The following IL6R variants were observed in gnomAD, a reference collection of about 807,000 sequenced individuals.
The protein encoded by IL6R is interleukin 6 receptor.
Under a neutral mutation model 48.3 loss-of-function variants are expected in IL6R, and 38 were observed. The observed-to-expected ratio is 0.79, with a 90% CI of 0.61 to 1.03. IL6R has a LOEUF of 1.03. Ranked by LOEUF, IL6R falls within the 50% of genes least tolerant of loss-of-function variation. The pLI, the probability that IL6R is intolerant of heterozygous loss-of-function variation, is 0.00. For missense variants in IL6R, 534 were observed against 618.3 expected (o/e 0.86, Z 1.45); for synonymous variants, 264 against 256.2 (o/e 1.03, Z -0.29).
intron 1 of IL6R, chr1:154,414,279 T>C (rs1435846787): frequency 3.4e-6 from 2 of 586,212 alleles, no homozygotes; most frequent in Non-Finnish European, 5.8e-6. Flanking sequence ...TTTGAGAGAA[T>C]GTCAATCCAC....
At chr1:154,448,039 A>C in intron 6 of IL6R, 86 bp from the exon 7 acceptor site, 1 of 1,111,620 alleles carries the variant, frequency 9.0e-7, no homozygotes, top group Non-Finnish European at 1.4e-6. Flanking sequence ...CATTGAGATG[A>C]ACTTTTTTTT....
At position 154,418,504 on chromosome 1, in the gene IL6R, G is replaced by A. The variant is rs71628617; in HGVS notation, c.86-10692G>A. ...TACATATGTGGGGGAGGAGGGAGCA[G>A]GGGCCTGCCAGCCAAAGCTAGTCAT... On this transcript the variant is annotated intron_variant, in intron 1 of 9. Coordinates refer to ENST00000368485, the MANE Select transcript of IL6R (RefSeq NM_000565.4). The A allele has an allele frequency of 5.5e-6, 4 of 722,546 alleles. No homozygotes were observed. In the African/African-American group the frequency reaches 7.7e-5, roughly 14 times the overall value. The allele number at this position is 722,546 out of a possible 1,614,324, so 44.8% of individuals were successfully genotyped here.
At position 154,405,641 on chromosome 1, in the gene IL6R, C is replaced by A. The variant is rs1413222090; in HGVS notation, c.12C>A (p.Val4=). The A allele has an allele frequency of 2.6e-6, 4 of 1,533,292 alleles. No homozygotes were observed. Among genetic ancestry groups the A allele is most frequent in the Non-Finnish European group, 3.5e-6 (4 of 1,147,340 alleles). 95.0% of individuals were successfully genotyped at this position (1,533,292 alleles called of 1,614,324 possible). A position where few individuals can be genotyped will look rare whatever the true frequency, so the allele number is the denominator to read the frequency against. The change falls in exon 1 of 10, where the codon GTC becomes GTA. Residue 4 remains valine, a synonymous_variant. Coordinates refer to ENST00000368485, the MANE Select transcript of IL6R (RefSeq NM_000565.4). The surrounding 1 kb of genome is among the most constrained non-coding windows in gnomAD (Gnocchi z 5.2). ...GCCGAGGAGGAAGCATGCTGGCCGTCGGCTGCGCGCTGCTGGCTGCCCTGC... is the reference window on the plus strand; with the variant it reads ...GCCGAGGAGGAAGCATGCTGGCCGTAGGCTGCGCGCTGCTGGCTGCCCTGC... The part of the protein sequence containing the change: MLA[V]GCALLAALLA...
At chr1:154,421,132 T>C (rs1688637356) in intron 1 of IL6R, among the ~76,000 whole-genome samples, 1 of 152,206 alleles carries the variant, frequency 6.6e-6, no homozygotes, top group South Asian at 2.1e-4. Context: ...CCTTGGGTGC[T>C]CTTCCTCCCT....
intron 6 of IL6R, among the ~76,000 whole-genome samples, chr1:154,437,232 G>C (rs983456658): frequency 6.6e-6 from 1 of 152,082 alleles, no homozygotes; most frequent in African/African-American, 2.4e-5. Flanking sequence ...GAGCAGCCGG[G>C]ACTACAGGCA....
chr1:154,435,971 C>A lies in IL6R; in HGVS notation c.810C>A (p.Val270=). 6.2e-7 allele frequency: 1 copy of A among 1,602,728 alleles called. No individual in the cohort carries two copies. The highest frequency in any genetic ancestry group is 8.5e-7 in the Non-Finnish European group (1 of 1,171,670). The stretch of plus-strand genomic sequence containing the variant: ...AGTCACCGTGCCCCCGCCCTCAGGT[C>A]AAGGACCTCCAGCATCACTGTGTCA... The part of the protein sequence containing the change: ...ERSKTFTTWM[V]KDLQHHCVIH... Residue 270 remains valine, a splice_region_variant and synonymous_variant, in exon 6 of 10, where the codon GTC becomes GTA. Coordinates refer to ENST00000368485, the MANE Select transcript of IL6R (RefSeq NM_000565.4).
intron 3 of IL6R, 126 bp from the exon 4 acceptor site, chr1:154,434,393 A>G: frequency 1.4e-6 from 1 of 718,604 alleles, no homozygotes; most frequent in Non-Finnish European, 2.4e-6. Context: ...AAGGAGACTT[A>G]GAGGCACAGG....
At chr1:154,411,387 G>A (rs1360763944) in intron 1 of IL6R, among the ~76,000 whole-genome samples, 1 of 152,186 alleles carries the variant, frequency 6.6e-6, no homozygotes, top group Non-Finnish European at 1.5e-5. Flanking sequence ...AGAAGATGCT[G>A]ATAAGGAGTT....
rs141102401 is a variant in IL6R, at chr1:154,465,156, C to T, written c.1183C>T (p.Arg395Trp). 1.3e-4 allele frequency: 204 copies of T among 1,613,996 alleles called. No individual in the cohort carries two copies. The African/African-American group carries it at 1.6e-3, about 13-fold the overall frequency. The change falls in exon 10 of 10, where the codon CGG (arginine) becomes TGG (tryptophan). Residue 395 changes from arginine (R) to tryptophan (W), a missense_variant. Transcript: ENST00000368485. ...AAGGTTCAAGAAGACGTGGAAGCTG[C>T]GGGCTCTGAAGGAAGGCAAGACAAG... Reference protein sequence around the residue: ...VLRFKKTWKLRALKEGKTSMH... With the variant: ...VLRFKKTWKLWALKEGKTSMH...
chr1:154,428,672 G>A (rs922575030), intron 1 of IL6R, among the ~76,000 whole-genome samples: 10 of 152,220 alleles, frequency 6.6e-5, no homozygotes, highest in South Asian at 2.1e-4. Context: ...CACGGAATTC[G>A]TAATTACATG....
At chr1:154,447,686 T>TTTTTGTTTTGTTTTGTTTTGTTTTG (rs527467504) in intron 6 of IL6R, among the ~76,000 whole-genome samples, 11 of 148,326 alleles carry the variant, frequency 7.4e-5, no homozygotes, top group Non-Finnish European at 1.0e-4. Context: ...AGCATGCTGT[T>TTTTTGTTTTGTTTTGTTTTGTTTTG]TTTTGTTTTG....
intron 1 of IL6R, 64 bp from the exon 2 acceptor site, chr1:154,429,132 G>T: frequency 6.4e-7 from 1 of 1,558,160 alleles, no homozygotes; most frequent in South Asian, 1.2e-5. Flanking sequence ...GGCTTCCTCA[G>T]ACCAGAACGA....
intron 1 of IL6R, among the ~76,000 whole-genome samples, chr1:154,423,505 G>A (rs1361033855): frequency 6.6e-6 from 1 of 151,826 alleles, no homozygotes; most frequent in African/African-American, 2.4e-5. Flanking sequence ...ATTTGGGTCA[G>A]GAGGCAGAGG....
chr1:154,429,566 G>C (rs143539244), intron 2 of IL6R, 122 bp downstream of exon 2: 527 of 1,209,576 alleles, frequency 4.4e-4, no homozygotes, highest in Non-Finnish European at 5.7e-4. Flanking sequence ...GAATTTTGGG[G>C]AAGGCCCACC....
At chr1:154,456,780 A>AGAT (rs2149271369) in intron 9 of IL6R, among the ~76,000 whole-genome samples, 1 of 152,256 alleles carries the variant, frequency 6.6e-6, no homozygotes, top group African/African-American at 2.4e-5. Flanking sequence ...ACCAGCAAGT[A>AGAT]GATGGCAATA....
At chr1:154,427,500 A>G (rs1275472432) in intron 1 of IL6R, among the ~76,000 whole-genome samples, 1 of 152,216 alleles carries the variant, frequency 6.6e-6, no homozygotes, top group Non-Finnish European at 1.5e-5. Flanking sequence ...TGACCAGAGA[A>G]AACCTTAGAT....
rs148712036 is a variant in IL6R, at chr1:154,443,487, G to A, written c.950-4638G>A. Among the ~76,000 whole-genome samples, 480 of 152,254 alleles carry A rather than the reference G, an allele frequency of 3.2e-3. 6 individuals are homozygous for A. Among genetic ancestry groups the A allele is most frequent in the African/African-American group, 0.011 (461 of 41,544 alleles). On this transcript the variant is annotated intron_variant, in intron 6 of 9. Coordinates refer to ENST00000368485, the MANE Select transcript of IL6R (RefSeq NM_000565.4). ...TTCTGGAACATTCCACTGGGGCCCC[G>A]CCCACTTCCACTGCATCACCTGCCA... is the stretch of plus-strand genomic sequence containing the variant.
chr1:154,452,405 G>T (rs1690634103), intron 8 of IL6R, among the ~76,000 whole-genome samples: 1 of 152,000 alleles, frequency 6.6e-6, no homozygotes. Context: ...TCTACCTCAG[G>T]GCCTTTGCAC....
At chr1:154,428,044 C>T (rs1190019194) in intron 1 of IL6R, among the ~76,000 whole-genome samples, 2 of 152,174 alleles carry the variant, frequency 1.3e-5, no homozygotes, top group Admixed American at 1.3e-4. Flanking sequence ...AGTGTGCTTA[C>T]ATGAAAACTG....
Sources: gnomAD v4.1 joint callset for allele counts (sites outside exome capture counted in the v4.1 genomes callset) on GRCh38, gnomAD v4.1.1 for gene constraint, Gnocchi (gnomAD v3.1) non-coding constraint, MANE v1.5 for transcripts, NCBI Gene and HGNC (gene_info 2026-07-23, HGNC 2026-07-21) for gene names.